Variants in PCDH11X observed in about 807,000 individuals in gnomAD.
PCDH11X encodes the protein protocadherin 11 X-linked.
In PCDH11X, 18 loss-of-function variants were observed where a neutral mutation model predicts 53.3. The ratio of observed to expected loss-of-function variants is 0.34; its 90% confidence interval spans 0.23 to 0.50. PCDH11X has a LOEUF of 0.50. PCDH11X is among the 20% of genes least tolerant of loss of function. The pLI, the probability that PCDH11X is intolerant of heterozygous loss-of-function variation, is 0.98. For synonymous variants in PCDH11X, 279 were observed against 393.3 expected (o/e 0.71, Z 3.44); for missense variants, 570 against 1,032.4 (o/e 0.55, Z 6.14).
At chrX:92,309,138 G>T (rs1174222915) in intron 8 of PCDH11X, among the ~76,000 whole-genome samples, 3 of 111,828 alleles carry the variant, frequency 2.7e-5, no homozygotes, top group African/African-American at 3.3e-5. Flanking sequence ...CCACTTCTGG[G>T]TATAAATGCT....
At chrX:92,194,169 C>G (rs1034911882) in intron 6 of PCDH11X, among the ~76,000 whole-genome samples, 1 of 111,428 alleles carries the variant, frequency 9.0e-6, no homozygotes, top group African/African-American at 3.3e-5. Context: ...AATTGGGGAT[C>G]ATTAGTTTGA....
chrX:91,824,629 T>C (rs182349533), intron 4 of PCDH11X, among the ~76,000 whole-genome samples: 34,431 of 97,737 alleles, frequency 0.35, 7,530 homozygotes, highest in African/African-American at 0.78. Flanking sequence ...AATGTCCTCC[T>C]GTAGCTCAGA....
intron 10 of PCDH11X, among the ~76,000 whole-genome samples, chrX:92,572,321 A>C (rs1922309885): frequency 9.2e-6 from 1 of 108,909 alleles, no homozygotes; most frequent in Non-Finnish European, 1.9e-5. Context: ...TAGTAAATAC[A>C]TCTGAGAATT....
chrX:92,268,139 T>A, intron 8 of PCDH11X, among the ~76,000 whole-genome samples: 1 of 112,373 alleles, frequency 8.9e-6, no homozygotes, highest in Non-Finnish European at 1.9e-5. Context: ...CATTTTCATG[T>A]CTTATTTTAG....
chrX:92,122,613 G>C (rs2064790379), intron 6 of PCDH11X, among the ~76,000 whole-genome samples: 1 of 111,898 alleles, frequency 8.9e-6, no homozygotes, highest in Non-Finnish European at 1.9e-5. Context: ...TGATATTCTT[G>C]AGTACTTAAT....
intron 6 of PCDH11X, among the ~76,000 whole-genome samples, chrX:91,977,399 C>A (rs2147920517): frequency 9.0e-6 from 1 of 111,591 alleles, no homozygotes. Flanking sequence ...ATTGCTAGGC[C>A]CAAATTATTT....
chrX:92,214,951 G>A (rs1002985139), intron 7 of PCDH11X, among the ~76,000 whole-genome samples: 1 of 111,653 alleles, frequency 9.0e-6, no homozygotes, highest in African/African-American at 3.3e-5. Context: ...GGGAGGCTGA[G>A]ATGGGAGAAT....
chrX:92,353,926 A>G (rs961366392), intron 8 of PCDH11X, among the ~76,000 whole-genome samples: 5 of 102,730 alleles, frequency 4.9e-5, no homozygotes, highest in Non-Finnish European at 9.9e-5. Flanking sequence ...CTGTTAAATG[A>G]GGTAAAATCT....
chrX:92,186,167 A>G (rs1382769888), intron 6 of PCDH11X, among the ~76,000 whole-genome samples: 1 of 112,142 alleles, frequency 8.9e-6, no homozygotes, highest in Non-Finnish European at 1.9e-5. Flanking sequence ...ATTGAATACT[A>G]TTCAGCCATA....
chrX:91,814,923 A>T (rs1331139237), intron 4 of PCDH11X, among the ~76,000 whole-genome samples: 1 of 109,701 alleles, frequency 9.1e-6, no homozygotes, highest in African/African-American at 3.3e-5. Flanking sequence ...TTTGTTTATT[A>T]TTTTTTTTTA....
chrX:91,810,236 T>A (rs1219059748), intron 2 of PCDH11X, among the ~76,000 whole-genome samples: 2 of 111,020 alleles, frequency 1.8e-5, no homozygotes, highest in African/African-American at 6.5e-5. Flanking sequence ...GATTTTTTGT[T>A]TTTTAATCCA....
intron 4 of PCDH11X, among the ~76,000 whole-genome samples, chrX:91,819,612 A>G (rs1936570656): frequency 9.3e-6 from 1 of 107,759 alleles, no homozygotes; most frequent in Non-Finnish European, 1.9e-5. Context: ...TGGTGACCCG[A>G]ATCTCCAGCA....
chrX:92,029,094 C>T (rs1409750316), intron 6 of PCDH11X, among the ~76,000 whole-genome samples: 1 of 110,974 alleles, frequency 9.0e-6, no homozygotes, highest in Non-Finnish European at 1.9e-5. Context: ...TATTACACTC[C>T]CCGGGAGTAG....
chrX:92,250,123 A>T (rs747520013), intron 7 of PCDH11X, among the ~76,000 whole-genome samples: 2 of 111,963 alleles, frequency 1.8e-5, no homozygotes, highest in African/African-American at 6.5e-5. Flanking sequence ...CTTTGAAAGG[A>T]TGAGTTTGGC....
intron 6 of PCDH11X, among the ~76,000 whole-genome samples, chrX:92,094,069 C>A (rs748088017): frequency 1.8e-5 from 2 of 109,330 alleles, no homozygotes; most frequent in African/African-American, 6.6e-5. Context: ...CATAAAGCTT[C>A]ATTCCTTTTT....
chrX:91,796,990 A>G (rs958643284), intron 1 of PCDH11X, among the ~76,000 whole-genome samples: 3 of 111,891 alleles, frequency 2.7e-5, no homozygotes, highest in African/African-American at 9.7e-5. Flanking sequence ...ATTTAACTAT[A>G]TTAATAATTA....
chrX:92,472,335 C>T (rs1254286081), intron 10 of PCDH11X, among the ~76,000 whole-genome samples: 1 of 103,845 alleles, frequency 9.6e-6, no homozygotes, highest in Non-Finnish European at 2.0e-5. Flanking sequence ...GTTATGTCAA[C>T]ACCATTTATT....
chrX:91,953,080 G>A (rs1247756981), intron 6 of PCDH11X, among the ~76,000 whole-genome samples: 1 of 110,144 alleles, frequency 9.1e-6, no homozygotes, highest in Admixed American at 9.7e-5. Context: ...GGGAGGTGGG[G>A]GTGGTTAATG....
chrX:92,511,610 A>G (rs1222842114), intron 10 of PCDH11X, among the ~76,000 whole-genome samples: 1 of 111,577 alleles, frequency 9.0e-6, no homozygotes, highest in East Asian at 2.8e-4. Context: ...ATGATTCCAT[A>G]AAGTGAGATA....
Sources: gnomAD v4.1 joint callset for allele counts (sites outside exome capture counted in the v4.1 genomes callset) on GRCh38, gnomAD v4.1.1 for gene constraint, MANE v1.5 for transcripts, NCBI Gene and HGNC (gene_info 2026-07-23, HGNC 2026-07-21) for gene names.